DOCK1: variants seen among roughly 807,000 people sequenced by gnomAD.
DOCK1 encodes dedicator of cytokinesis protein 1.
A neutral mutation model predicts 262.7 loss-of-function variants in DOCK1; 138 were observed. The ratio of observed to expected loss-of-function variants is 0.53; its 90% confidence interval spans 0.46 to 0.61. The LOEUF is 0.61. Among genes scored for constraint, DOCK1 ranks in the 20% least tolerant of loss-of-function variants. The pLI, the probability that DOCK1 is intolerant of heterozygous loss-of-function variation, is 0.00. For synonymous variants in DOCK1, 866 were observed against 867.4 expected (o/e 1.00, Z 0.03); for missense variants, 1,908 against 2,370.7 (o/e 0.80, Z 4.05).
intron 12 of DOCK1, among the ~76,000 whole-genome samples, chr10:127,014,114 C>T (rs2041683410): frequency 1.3e-5 from 2 of 152,318 alleles, no homozygotes; most frequent in South Asian, 4.1e-4. Flanking sequence ...CACCACTTGG[C>T]CTTGGCCAGT....
intron 19 of DOCK1, among the ~76,000 whole-genome samples, chr10:127,040,317 A>C (rs1190427521): frequency 2.0e-5 from 3 of 152,240 alleles, no homozygotes; most frequent in Non-Finnish European, 4.4e-5. Context: ...CCTTTTGGTC[A>C]GGTTGGTTTT....
At chr10:127,346,278 G>A (rs369883548) in intron 31 of DOCK1, among the ~76,000 whole-genome samples, 208 of 152,324 alleles carry the variant, frequency 1.4e-3, no homozygotes, top group African/African-American at 4.5e-3. Flanking sequence ...TGGTGTGAGC[G>A]TTAAGAGCCT....
intron 3 of DOCK1, among the ~76,000 whole-genome samples, chr10:126,979,828 C>T (rs1466474202): frequency 6.6e-6 from 1 of 152,170 alleles, no homozygotes; most frequent in Non-Finnish European, 1.5e-5. Context: ...CCTGGCACCA[C>T]GTGTCTGTAA....
intron 29 of DOCK1, among the ~76,000 whole-genome samples, chr10:127,268,911 GGGT>G (rs1167782232): frequency 1.3e-5 from 2 of 152,166 alleles, no homozygotes; most frequent in East Asian, 3.9e-4. Context: ...CCTGTTCTCA[GGGT>G]GCTTGGGCTG....
At chr10:127,127,034 C>T (rs1280381334) in intron 26 of DOCK1, among the ~76,000 whole-genome samples, 1 of 152,172 alleles carries the variant, frequency 6.6e-6, no homozygotes, top group Non-Finnish European at 1.5e-5. Context: ...AGGCTCTTCC[C>T]TGTTTTTATT....
At position 126,998,241 on chromosome 10, in the gene DOCK1, A is replaced by G. The variant is rs757269628; in HGVS notation, c.759A>G (p.Lys253=). The G allele has an allele frequency of 3.1e-6, 5 of 1,613,824 alleles. No individual in the cohort carries two copies. The South Asian group carries it at 5.5e-5, about 18-fold the overall frequency. The change falls in exon 8 of 52, where the codon AAA becomes AAG. Residue 253 remains lysine, a synonymous_variant. Coordinates refer to ENST00000623213, the MANE Select transcript of DOCK1 (RefSeq NM_001290223.2). The stretch of plus-strand genomic sequence containing the variant: ...CTCTATATGACCCTGTGGAGTCCAA[A>G]TTCATCAGGTGGGTGACATTTCTTG... ...LMSLYDPVES[K]FISENYLVRW... is the part of the protein sequence containing the mutation.
chr10:127,113,500 A>C (rs1343024782), intron 25 of DOCK1, among the ~76,000 whole-genome samples: 1 of 152,198 alleles, frequency 6.6e-6, no homozygotes, highest in Non-Finnish European at 1.5e-5. Context: ...ATCTGTTTGC[A>C]AGAGGCTGGC....
chr10:126,911,982 T>C (rs949395064), intron 1 of DOCK1, among the ~76,000 whole-genome samples: 2 of 152,144 alleles, frequency 1.3e-5, no homozygotes, highest in African/African-American at 4.8e-5. Context: ...AACAGGACTG[T>C]GTTTCTTCAC....
chr10:126,974,397 C>T (rs376935965), intron 2 of DOCK1, among the ~76,000 whole-genome samples: 38 of 152,264 alleles, frequency 2.5e-4, no homozygotes, highest in African/African-American at 9.6e-5. Flanking sequence ...AATGACTAGA[C>T]CGCCATTTTC....
At chr10:127,440,583 A>G (rs1207998580) in intron 49 of DOCK1, among the ~76,000 whole-genome samples, 3 of 152,186 alleles carry the variant, frequency 2.0e-5, no homozygotes, top group African/African-American at 7.2e-5. Flanking sequence ...TTAGAGGGTT[A>G]GACATACTGC....
chr10:127,086,439 A>G (rs1435255661), intron 23 of DOCK1, among the ~76,000 whole-genome samples: 1 of 152,246 alleles, frequency 6.6e-6, no homozygotes, highest in Non-Finnish European at 1.5e-5. Flanking sequence ...GTTACCTGGC[A>G]GAATGAATAC....
At chr10:127,208,505 A>G (rs2057822687) in intron 27 of DOCK1, among the ~76,000 whole-genome samples, 1 of 152,200 alleles carries the variant, frequency 6.6e-6, no homozygotes, top group South Asian at 2.1e-4. Context: ...AAGTTTCTAT[A>G]ATTGTTCTCT....
chr10:127,299,273 G>C (rs531733244), intron 29 of DOCK1, among the ~76,000 whole-genome samples: 1 of 152,150 alleles, frequency 6.6e-6, no homozygotes, highest in Non-Finnish European at 1.5e-5. Context: ...TAATTTTTTT[G>C]CATGTATTTT....
chr10:127,434,954 C>T (rs1048665011), intron 48 of DOCK1, among the ~76,000 whole-genome samples: 8 of 152,114 alleles, frequency 5.3e-5, no homozygotes, highest in Admixed American at 1.3e-4. Context: ...GCCTGGCCAA[C>T]GTCCACTTTC....
At chr10:127,199,634 C>A (rs1397069193) in intron 27 of DOCK1, among the ~76,000 whole-genome samples, 1 of 152,130 alleles carries the variant, frequency 6.6e-6, no homozygotes, top group Non-Finnish European at 1.5e-5. Context: ...TCCAAGAATG[C>A]GACAAAGTTA....
intron 1 of DOCK1, among the ~76,000 whole-genome samples, chr10:126,926,486 A>C (rs766531975): frequency 2.4e-4 from 37 of 152,312 alleles, no homozygotes; most frequent in Admixed American, 3.9e-4. Flanking sequence ...TTGCAGTTTT[A>C]CGACTGTATC....
At chr10:127,167,269 C>T (rs78914588) in intron 27 of DOCK1, among the ~76,000 whole-genome samples, 8,665 of 152,026 alleles carry the variant, frequency 0.057, 690 homozygotes, top group African/African-American at 0.18. Flanking sequence ...TTTGGGGTTT[C>T]GAACTTGAAT....
intron 27 of DOCK1, among the ~76,000 whole-genome samples, chr10:127,172,900 T>C (rs2054712349): frequency 6.6e-6 from 1 of 152,224 alleles, no homozygotes; most frequent in African/African-American, 2.4e-5. Context: ...GTCTTATGTA[T>C]GTGGCTATCG....
chr10:127,164,274 C>T (rs1408372869), intron 27 of DOCK1, among the ~76,000 whole-genome samples: 1 of 139,258 alleles, frequency 7.2e-6, no homozygotes, highest in Non-Finnish European at 1.5e-5. Flanking sequence ...AACTCCACCT[C>T]CCAGGTTCAA....
Sources: gnomAD v4.1 joint callset for allele counts (sites outside exome capture counted in the v4.1 genomes callset) on GRCh38, gnomAD v4.1.1 for gene constraint, MANE v1.5 for transcripts, NCBI Gene and HGNC (gene_info 2026-07-23, HGNC 2026-07-21) for gene names.